Variants in PRELID2 observed in about 807,000 individuals in gnomAD.
PRELID2 encodes PRELI domain-containing protein 2.
A neutral mutation model predicts 28.4 loss-of-function variants in PRELID2; 25 were observed. The observed-to-expected ratio is 0.88, with a 90% confidence interval of 0.64 to 1.23. The LOEUF is 1.23. Among genes scored for constraint, PRELID2 ranks in the 50% most tolerant of loss-of-function variants. The pLI, the probability that PRELID2 is intolerant of heterozygous loss-of-function variation, is 0.00. For synonymous variants in PRELID2, 76 were observed against 71.6 expected, an observed-to-expected ratio of 1.06 and a Z score of -0.31; for missense variants, 201 against 214.4, an observed-to-expected ratio of 0.94 and a Z score of 0.39.
At chr5:145,618,786 G>A (rs1428874660) in intron 1 of PRELID2, among the ~76,000 whole-genome samples, 5 of 152,158 alleles carry the variant, frequency 3.3e-5, no homozygotes, top group Admixed American at 2.0e-4. Context: ...AGGGTGGGTA[G>A]GGAAGGACCA....
intron 1 of PRELID2, among the ~76,000 whole-genome samples, chr5:145,506,011 A>G (rs1752407354): frequency 6.6e-6 from 1 of 152,220 alleles, no homozygotes; most frequent in African/African-American, 2.4e-5. Context: ...ATGTGGAGTT[A>G]CCAAGAGGAT....
chr5:145,712,227 A>G (rs1006382622), intron 1 of PRELID2, among the ~76,000 whole-genome samples: 9 of 152,260 alleles, frequency 5.9e-5, no homozygotes, highest in Non-Finnish European at 1.3e-4. Flanking sequence ...ACTTAAATAA[A>G]TGAATTACAT....
At chr5:145,362,636 A>G in the PRELID2 span, among the ~76,000 whole-genome samples, 2 of 152,168 alleles carry the variant, frequency 1.3e-5, no homozygotes, top group East Asian at 3.9e-4. Context: ...TCTTACATCT[A>G]TAGGTCCTGG....
At chr5:145,766,594 CT>C (rs1288630766) in intron 5 of PRELID2, among the ~76,000 whole-genome samples, 1 of 152,210 alleles carries the variant, frequency 6.6e-6, no homozygotes, top group Non-Finnish European at 1.5e-5. Flanking sequence ...CTACCGTTAT[CT>C]TGGAAGGAAG....
downstream of PRELID2, among the ~76,000 whole-genome samples, chr5:145,754,831 G>GA (rs1285786122): frequency 6.6e-6 from 1 of 152,082 alleles, no homozygotes; most frequent in Non-Finnish European, 1.5e-5. Context: ...CAATTTCTAA[G>GA]AAAAAAATTA....
chr5:145,243,236 C>T, the PRELID2 span, among the ~76,000 whole-genome samples: 4 of 152,130 alleles, frequency 2.6e-5, no homozygotes, highest in South Asian at 8.3e-4. Context: ...TTGGAAATGC[C>T]TTTCTGTCCT....
At chr5:145,708,140 G>A (rs1372809926) in intron 1 of PRELID2, among the ~76,000 whole-genome samples, 2 of 152,086 alleles carry the variant, frequency 1.3e-5, no homozygotes, top group Non-Finnish European at 2.9e-5. Flanking sequence ...AGAGAGAACA[G>A]GCCCGCTCTT....
the PRELID2 span, among the ~76,000 whole-genome samples, chr5:145,357,366 G>T: frequency 4.2e-4 from 64 of 152,236 alleles, no homozygotes; most frequent in Non-Finnish European, 5.7e-4. Context: ...CTCTTTTTCA[G>T]GAATGCCAAT....
chr5:145,791,926 G>T (rs1475408297), intron 5 of PRELID2, among the ~76,000 whole-genome samples: 1 of 152,162 alleles, frequency 6.6e-6, no homozygotes, highest in Non-Finnish European at 1.5e-5. Flanking sequence ...GTTTAGGTCA[G>T]CTGTAGTGTA....
chr5:145,573,944 A>G (rs537574602), intron 1 of PRELID2, among the ~76,000 whole-genome samples: 63 of 152,308 alleles, frequency 4.1e-4, no homozygotes, highest in Non-Finnish European at 4.9e-4. Flanking sequence ...AAAAGGGGTC[A>G]CCAGAGATGT....
the PRELID2 span, among the ~76,000 whole-genome samples, chr5:145,463,073 CTG>C: frequency 6.6e-6 from 1 of 151,888 alleles, no homozygotes; most frequent in African/African-American, 2.4e-5. Context: ...AAAAATGAAA[CTG>C]AACATAAAAT....
chr5:145,253,855 A>C, the PRELID2 span, among the ~76,000 whole-genome samples: 1 of 152,096 alleles, frequency 6.6e-6, no homozygotes. Flanking sequence ...AACAAAAAAA[A>C]AATCCAGTCT....
At chr5:145,459,897 A>T in the PRELID2 span, among the ~76,000 whole-genome samples, 1 of 151,110 alleles carries the variant, frequency 6.6e-6, no homozygotes, top group East Asian at 1.9e-4. Flanking sequence ...ACAACCTCCA[A>T]CTCCCGGGTT....
At chr5:145,450,034 C>A in the PRELID2 span, among the ~76,000 whole-genome samples, 1 of 152,120 alleles carries the variant, frequency 6.6e-6, no homozygotes, top group African/African-American at 2.4e-5. Flanking sequence ...GAAATGCAAA[C>A]AGAATGTTCC....
At chr5:145,756,319 C>G (rs1351735021), downstream of PRELID2, among the ~76,000 whole-genome samples, 1 of 152,164 alleles carries the variant, frequency 6.6e-6, no homozygotes, top group Non-Finnish European at 1.5e-5. Flanking sequence ...GGATACCCCC[C>G]AAAATTAGAA....
At chr5:145,456,662 AAAT>A in the PRELID2 span, among the ~76,000 whole-genome samples, 2 of 152,224 alleles carry the variant, frequency 1.3e-5, no homozygotes, top group Non-Finnish European at 2.9e-5. Context: ...CCCTAACAAT[AAAT>A]AAGTGATAAT....
intron 5 of PRELID2, among the ~76,000 whole-genome samples, chr5:145,773,080 T>A (rs1431689928): frequency 6.6e-6 from 1 of 152,184 alleles, no homozygotes; most frequent in East Asian, 1.9e-4. Flanking sequence ...TGCTTCACAT[T>A]ATAAAGCTTT....
chr5:145,654,579 C>T (rs1754358538), intron 1 of PRELID2, among the ~76,000 whole-genome samples: 1 of 152,208 alleles, frequency 6.6e-6, no homozygotes, highest in Non-Finnish European at 1.5e-5. Flanking sequence ...CCCTGGGATG[C>T]AAGACTGGTT....
At chr5:145,617,722 C>A (rs2149649612) in intron 1 of PRELID2, among the ~76,000 whole-genome samples, 1 of 148,082 alleles carries the variant, frequency 6.8e-6, no homozygotes. Flanking sequence ...GTTGTTTTTT[C>A]TTTTCTTTCT....
Sources: gnomAD v4.1 joint callset for allele counts (sites outside exome capture counted in the v4.1 genomes callset) on GRCh38, gnomAD v4.1.1 for gene constraint, MANE v1.5 for transcripts, NCBI Gene and HGNC (gene_info 2026-07-23, HGNC 2026-07-21) for gene names.